The following SLFN12L variants were observed in gnomAD, a reference collection of about 807,000 sequenced individuals.
SLFN12L encodes schlafen family member 12-like.
SLFN12L carries 34 observed loss-of-function variants against 34.8 expected under a neutral mutation model. That is an observed-to-expected ratio of 0.98 (90% CI 0.74 to 1.30). SLFN12L has a LOEUF of 1.30. SLFN12L is among the 50% of genes most tolerant of loss of function. The probability of loss-of-function intolerance (pLI) is 0.00; values close to 1 mark genes in which losing one functional copy is unlikely to be tolerated. For synonymous variants in SLFN12L, 259 were observed against 247.5 expected (o/e 1.05, Z -0.44); for missense variants, 703 against 696.2 (o/e 1.01, Z -0.11).
intron 2 of SLFN12L, among the ~76,000 whole-genome samples, chr17:35,511,450 G>A (rs1367402780): frequency 6.6e-6 from 1 of 152,142 alleles, no homozygotes; most frequent in Non-Finnish European, 1.5e-5. Flanking sequence ...TAAATTAAGT[G>A]TGACATAAGT....
At chr17:35,509,784 G>T (rs578088558) in intron 2 of SLFN12L, among the ~76,000 whole-genome samples, 1 of 151,448 alleles carries the variant, frequency 6.6e-6, no homozygotes, top group Non-Finnish European at 1.5e-5. Context: ...TGCAAGCTCC[G>T]CCTCCTGGGT....
At chr17:35,478,290 C>A in intron 3 of SLFN12L, 105 bp from the exon 4 acceptor site, 1 of 675,942 alleles carries the variant, frequency 1.5e-6, no homozygotes, top group Non-Finnish European at 2.5e-6. Flanking sequence ...AGAACTGATC[C>A]TGCATTCCCA....
intron 1 of SLFN12L, among the ~76,000 whole-genome samples, chr17:35,529,015 C>G (rs943480282): frequency 6.6e-5 from 10 of 152,046 alleles, no homozygotes; most frequent in Admixed American, 3.9e-4. Context: ...CAAACAACCC[C>G]ATCAAAAAGT....
chr17:35,500,287 A>C (rs1040615611), intron 2 of SLFN12L: 1 of 152,000 alleles, frequency 6.6e-6, no homozygotes, highest in Non-Finnish European at 1.5e-5. Flanking sequence ...AATTTCTAGT[A>C]TTTTTTTTAA....
intron 2 of SLFN12L, chr17:35,499,038 CCT>C: frequency 1.3e-6 from 1 of 757,382 alleles, no homozygotes; most frequent in Non-Finnish European, 2.3e-6. Context: ...AGAAATCTCC[CCT>C]GATAGCAAGC....
intron 2 of SLFN12L, chr17:35,490,613 A>G (rs1297732879): frequency 1.2e-6 from 1 of 843,568 alleles, no homozygotes; most frequent in Non-Finnish European, 2.0e-6. Context: ...GAAATGACCA[A>G]GCTCACTCAG....
At chr17:35,530,213 G>A (rs190855273) in intron 1 of SLFN12L, among the ~76,000 whole-genome samples, 187 of 148,186 alleles carry the variant, frequency 1.3e-3, no homozygotes, top group Non-Finnish European at 1.6e-3. Flanking sequence ...CAGGCGTGGT[G>A]GCAGGCACCT....
chr17:35,478,131 T>C lies in SLFN12L; in HGVS notation c.1220A>G (p.Tyr407Cys), dbSNP rs2304968. 0.69 allele frequency: 1,049,837 copies of C among 1,532,126 alleles called. 364,005 individuals carry two copies. The highest frequency in any genetic ancestry group is 0.89 in the African/African-American group (64,333 of 72,666). The allele number at this position is 1,532,126 out of a possible 1,614,324, so 94.9% of individuals were successfully genotyped here. The change falls in exon 4 of 5, where the codon TAT becomes TGT. Residue 407 changes from tyrosine (Y) to cysteine (C), a missense_variant. By Grantham distance (194) the Tyr-to-Cys change is radical. Transcript: ENST00000628453. ...ASTSSPVSQS[Y>C]PLREYINFKI... is the part of the protein sequence containing the mutation. ...GAAGTTAATATATTCACGAAGAGGATAACTCTGGGAGACAGGTGATGATGT... is the reference window on the plus strand; with the variant it reads ...GAAGTTAATATATTCACGAAGAGGACAACTCTGGGAGACAGGTGATGATGT...
chr17:35,525,585 C>A (rs2072325869), intron 1 of SLFN12L, among the ~76,000 whole-genome samples: 1 of 152,156 alleles, frequency 6.6e-6, no homozygotes, highest in African/African-American at 2.4e-5. Context: ...AATCGTCAAC[C>A]CAGAATTTCA....
chr17:35,515,527 G>C (rs1260744525), intron 2 of SLFN12L, among the ~76,000 whole-genome samples: 1 of 151,958 alleles, frequency 6.6e-6, no homozygotes, highest in Non-Finnish European at 1.5e-5. Context: ...GGAGTGCAGT[G>C]GCGTGATCTC....
rs1913839247 is a variant in SLFN12L, at chr17:35,473,332, C to G, written c.*1591G>C. Among the ~76,000 whole-genome samples the G allele has an allele frequency of 6.6e-6, 1 of 152,040 alleles. No individual in the cohort carries two copies. Among genetic ancestry groups the G allele is most frequent in the Non-Finnish European group, 1.5e-5 (1 of 68,004 alleles). ...TGTTTTGAGATATGTTTCATCAATA[C>G]CCAGTTTATTGAGAGTTTTTAACAT... On this transcript the variant is annotated 3_prime_UTR_variant, in exon 5 of 5. Transcript: ENST00000628453.
intron 2 of SLFN12L, among the ~76,000 whole-genome samples, chr17:35,480,820 G>A (rs1018901683): frequency 2.6e-5 from 4 of 152,008 alleles, no homozygotes; most frequent in East Asian, 1.9e-4. Context: ...GGAGGTAATC[G>A]TGGGTGGCAA....
rs1289016983 is a variant in SLFN12L at position 35,530,441 on chromosome 17, G to GAAGA, written c.-606+7128_-606+7131dup. On this transcript the variant is annotated intron_variant, in intron 1 of 4. Transcript: ENST00000628453. ...AGGAAGGAAGGAAGGGAAGGGAAGG[G>GAAGA]AAGAAAGAAAGAAAGAAAGAAAGAA... is the stretch of plus-strand genomic sequence containing the variant. 1.4e-3 allele frequency among the ~76,000 whole-genome samples: 23 copies of GAAGA among 16,868 alleles called. 1 individual carries two copies. The highest frequency in any genetic ancestry group is 3.0e-3 in the South Asian group (1 of 334). 11.1% of individuals were successfully genotyped at this position (16,868 alleles called of 152,430 possible). A position where few individuals can be genotyped will look rare whatever the true frequency, so the allele number is the denominator to read the frequency against.
intron 1 of SLFN12L, among the ~76,000 whole-genome samples, chr17:35,533,697 G>C (rs992211130): frequency 1.3e-5 from 2 of 152,172 alleles, no homozygotes; most frequent in Admixed American, 1.3e-4. Context: ...GAAGGATAGA[G>C]GCAGGAGATG....
chr17:35,476,533 G>A (rs1914032467), intron 4 of SLFN12L, among the ~76,000 whole-genome samples: 1 of 150,256 alleles, frequency 6.7e-6, no homozygotes, highest in Non-Finnish European at 1.5e-5. Flanking sequence ...AAGGAAGGAA[G>A]GAGAAAATAT....
chr17:35,515,255 C>G, intron 2 of SLFN12L: 1 of 461,872 alleles, frequency 2.2e-6, no homozygotes, highest in Middle Eastern at 7.1e-4. Context: ...ACAAACCATC[C>G]GAGCACAGGG....
chr17:35,528,928 T>G (rs569545518), intron 1 of SLFN12L, among the ~76,000 whole-genome samples: 19 of 152,024 alleles, frequency 1.2e-4, no homozygotes, highest in Admixed American at 1.0e-3. Flanking sequence ...GGGAAAAAAT[T>G]TTTGCAATCT....
intron 2 of SLFN12L, among the ~76,000 whole-genome samples, chr17:35,481,802 G>A (rs150188986): frequency 8.3e-4 from 126 of 152,330 alleles, no homozygotes; most frequent in African/African-American, 2.9e-3. Context: ...ACCCTGTAGG[G>A]CTGGACCCCA....
intron 2 of SLFN12L, among the ~76,000 whole-genome samples, chr17:35,497,849 A>G (rs956866114): frequency 6.6e-6 from 1 of 152,200 alleles, no homozygotes; most frequent in Non-Finnish European, 1.5e-5. Flanking sequence ...TTACTAAATA[A>G]TACTAAAACC....
Sources: allele counts gnomAD v4.1 joint callset (sites outside exome capture counted in the v4.1 genomes callset), GRCh38; gene constraint gnomAD v4.1.1; transcripts MANE v1.5; gene names NCBI Gene and HGNC (gene_info 2026-07-23, HGNC 2026-07-21).